The following RTTN variants were observed in gnomAD, a reference collection of about 807,000 sequenced individuals.
RTTN encodes the protein rotatin.
RTTN carries 182 observed loss-of-function variants against 269.2 expected under a neutral mutation model. That is an observed-to-expected ratio of 0.68 (90% CI 0.60 to 0.76). The LOEUF (loss-of-function observed/expected upper bound fraction) is 0.76. Ranked by LOEUF, RTTN falls within the 30% of genes least tolerant of loss-of-function variation. RTTN has a pLI of 0.00. For missense variants in RTTN, 2,545 were observed against 2,608.6 expected, an observed-to-expected ratio of 0.98 and a Z score of 0.53; for synonymous variants, 1,006 against 963.5, an observed-to-expected ratio of 1.04 and a Z score of -0.82.
At chr18:70,051,986 G>A (rs1220616599) in intron 38 of RTTN, among the ~76,000 whole-genome samples, 1 of 152,146 alleles carries the variant, frequency 6.6e-6, no homozygotes, top group Non-Finnish European at 1.5e-5. Flanking sequence ...AGTGTGCCAA[G>A]GTCAAGGTAG....
rs1400392632 is a variant in RTTN at position 70,059,982 on chromosome 18, G to A, written c.4808C>T (p.Pro1603Leu). The change falls in exon 36 of 49, where the codon CCC (proline) becomes CTC (leucine). Residue 1603 changes from proline to leucine, a missense_variant. By Grantham distance (98) the Pro-to-Leu change is moderately conservative (BLOSUM62 -3). Transcript: ENST00000640769. ...PHDSSLSAPL[P>L]KLCVFVTPSL... ...TGGAGTAACAAAAACACACAGTTTGGGCAGGGGAGCAGAAAGAGATGAATC... is the reference window on the plus strand; with the variant it reads ...TGGAGTAACAAAAACACACAGTTTGAGCAGGGGAGCAGAAAGAGATGAATC... 2 of 1,613,886 alleles carry A rather than the reference G, an allele frequency of 1.2e-6. No individual in the cohort carries two copies. The highest frequency in any genetic ancestry group is 1.3e-5 in the African/African-American group (1 of 74,916).
At chr18:70,016,291 G>A (rs2056534977) in intron 46 of RTTN, among the ~76,000 whole-genome samples, 1 of 152,158 alleles carries the variant, frequency 6.6e-6, no homozygotes, top group Non-Finnish European at 1.5e-5. Flanking sequence ...AAAAGTTTAA[G>A]TGAAAAACAT....
intron 25 of RTTN, among the ~76,000 whole-genome samples, chr18:70,125,437 C>T (rs1196203293): frequency 6.6e-6 from 1 of 151,984 alleles, no homozygotes; most frequent in African/African-American, 2.4e-5. Flanking sequence ...CATACACACT[C>T]ACTCCTAAAA....
chr18:70,005,466 T>C (rs1470176909), intron 47 of RTTN, 199 bp from the exon 48 acceptor site: 2 of 399,182 alleles, frequency 5.0e-6, no homozygotes, highest in Admixed American at 4.4e-5. Flanking sequence ...CCATATCCTC[T>C]TATCTAACTT....
chr18:70,032,022 AGCT>A (rs1161593419), intron 40 of RTTN, among the ~76,000 whole-genome samples: 1 of 152,198 alleles, frequency 6.6e-6, no homozygotes, highest in Non-Finnish European at 1.5e-5. Flanking sequence ...TGTCAGGGAA[AGCT>A]GCTTAGGGAA....
intron 46 of RTTN, among the ~76,000 whole-genome samples, chr18:70,016,372 T>C (rs549403543): frequency 3.7e-4 from 56 of 152,170 alleles, no homozygotes; most frequent in Non-Finnish European, 7.4e-4. Context: ...GCACTTTATG[T>C]GTGTTTATAA....
chr18:70,176,200 G>GATGTAGATGTATATGTAT (rs1231392813), intron 11 of RTTN, among the ~76,000 whole-genome samples: 44 of 137,674 alleles, frequency 3.2e-4, no homozygotes, highest in African/African-American at 6.9e-4. Context: ...TGTAGATGTA[G>GATGTAGATGTATATGTAT]ATGTATATGT....
intron 11 of RTTN, among the ~76,000 whole-genome samples, chr18:70,171,506 T>C (rs1039440508): frequency 1.3e-5 from 2 of 152,250 alleles, no homozygotes; most frequent in African/African-American, 4.8e-5. Context: ...TTTGAAACTC[T>C]TGCTATCTCA....
At chr18:70,199,365 A>C (rs1466397054) in intron 5 of RTTN, 49 bp downstream of exon 5, 1 of 1,255,686 alleles carries the variant, frequency 8.0e-7, no homozygotes, top group Non-Finnish European at 1.2e-6. Flanking sequence ...TATCAAACTT[A>C]ATGACTATAA....
intron 28 of RTTN, among the ~76,000 whole-genome samples, chr18:70,103,526 G>A (rs1275817009): frequency 6.6e-6 from 1 of 152,084 alleles, no homozygotes; most frequent in Non-Finnish European, 1.5e-5. Context: ...GGCGGTGCAA[G>A]ATGTGCTTTG....
chr18:70,070,044 A>G (rs1331655148), intron 34 of RTTN, among the ~76,000 whole-genome samples: 17 of 152,254 alleles, frequency 1.1e-4, no homozygotes, highest in Non-Finnish European at 8.8e-5. Flanking sequence ...TAATAGATTC[A>G]TAATTCAAAT....
intron 40 of RTTN, among the ~76,000 whole-genome samples, chr18:70,043,767 A>G (rs559703860): frequency 2.6e-5 from 4 of 152,374 alleles, no homozygotes; most frequent in South Asian, 2.1e-4. Context: ...GTAAATTCAT[A>G]TACTTTCCAA....
intron 26 of RTTN, among the ~76,000 whole-genome samples, chr18:70,114,951 C>A (rs1217800378): frequency 6.6e-6 from 1 of 151,992 alleles, no homozygotes; most frequent in African/African-American, 2.4e-5. Context: ...AAACCCGTAT[C>A]AAGTGAAAAA....
chr18:70,191,382 G>A (rs926964244), intron 8 of RTTN, among the ~76,000 whole-genome samples: 1 of 152,108 alleles, frequency 6.6e-6, no homozygotes, highest in Non-Finnish European at 1.5e-5. Context: ...AACGTGTAGA[G>A]ACAAAACCAA....
chr18:70,009,952 A>G (rs1196991773), intron 46 of RTTN, among the ~76,000 whole-genome samples: 2 of 152,200 alleles, frequency 1.3e-5, no homozygotes, highest in African/African-American at 4.8e-5. Flanking sequence ...CTCTGATAAA[A>G]AAGACTTTAA....
intron 11 of RTTN, among the ~76,000 whole-genome samples, chr18:70,176,206 T>TGTAG (rs2061292558): frequency 1.6e-4 from 3 of 19,148 alleles, no homozygotes; most frequent in African/African-American, 3.3e-4. Context: ...TGTAGATGTA[T>TGTAG]ATGTATATGT....
chr18:70,047,982 C>T lies in RTTN; in HGVS notation c.5530G>A (p.Val1844Ile). ...AAGAAATGACGTACCTGAAGGATTA[C>T]ATCACTAAGTTGTTCTAGAGATTTC... is the stretch of plus-strand genomic sequence containing the variant. ...NQKSLEQLSD[V>I]ILQCYEGKSS... The change falls in exon 40 of 49, where the codon GTA (valine) becomes ATA (isoleucine). Residue 1844 changes from valine to isoleucine, a missense_variant. Physicochemically the swap from Val to Ile is conservative, Grantham distance 29. Transcript: ENST00000640769. The T allele has an allele frequency of 6.2e-7, 1 of 1,613,392 alleles. No individual in the cohort carries two copies. Among genetic ancestry groups the T allele is most frequent in the East Asian group, 2.2e-5 (1 of 44,862 alleles).
At chr18:70,068,244 CAAGT>C in intron 34 of RTTN, among the ~76,000 whole-genome samples, 1 of 152,074 alleles carries the variant, frequency 6.6e-6, no homozygotes, top group Non-Finnish European at 1.5e-5. Flanking sequence ...CCTTAAAATC[CAAGT>C]AATAACTAGA....
At chr18:70,104,001 G>T (rs546814421) in intron 28 of RTTN, among the ~76,000 whole-genome samples, 7 of 152,064 alleles carry the variant, frequency 4.6e-5, no homozygotes, top group Non-Finnish European at 1.0e-4. Flanking sequence ...TCTTTGTGGC[G>T]TTCTCTGTAT....
Sources: allele counts gnomAD v4.1 joint callset (sites outside exome capture counted in the v4.1 genomes callset), GRCh38; gene constraint gnomAD v4.1.1; transcripts MANE v1.5; gene names NCBI Gene and HGNC (gene_info 2026-07-23, HGNC 2026-07-21).